The following ZC4H2 variants were observed in gnomAD, a reference collection of about 807,000 sequenced individuals.
The protein encoded by ZC4H2 is zinc finger C4H2-type containing, also known as zinc finger C4H2 domain-containing protein.
For missense variants in ZC4H2, 137 were observed against 173.9 expected (o/e 0.79, Z 1.19); for synonymous variants, 84 against 66.3 (o/e 1.27, Z -1.30).
At chrX:64,946,385 T>C (rs1930533635) in intron 1 of ZC4H2, among the ~76,000 whole-genome samples, 1 of 110,824 alleles carries the variant, frequency 9.0e-6, no homozygotes. Flanking sequence ...CTGGGTAAGG[T>C]GACACCCCAC....
intron 1 of ZC4H2, among the ~76,000 whole-genome samples, chrX:64,957,964 C>T (rs1042466657): frequency 8.9e-6 from 1 of 112,081 alleles, no homozygotes; most frequent in African/African-American, 3.2e-5. Context: ...CCCAACTCTA[C>T]ATCTTGTCCC....
intron 1 of ZC4H2, among the ~76,000 whole-genome samples, chrX:64,966,982 C>T (rs747864401): frequency 1.8e-5 from 2 of 111,301 alleles, no homozygotes; most frequent in Non-Finnish European, 3.8e-5. Flanking sequence ...TGACCTCTTA[C>T]TGCACCCAGA....
chrX:64,944,586 G>A (rs980933052), intron 1 of ZC4H2, among the ~76,000 whole-genome samples: 1 of 110,965 alleles, frequency 9.0e-6, no homozygotes, highest in Admixed American at 9.6e-5. Flanking sequence ...GAGTATCTTA[G>A]TGGTGCTCTC....
At chrX:64,945,540 A>T (rs1930489576) in intron 1 of ZC4H2, among the ~76,000 whole-genome samples, 1 of 111,682 alleles carries the variant, frequency 9.0e-6, no homozygotes, top group Non-Finnish European at 1.9e-5. Flanking sequence ...GGTGTCTCCC[A>T]GTCAGGAGGC....
intron 1 of ZC4H2, among the ~76,000 whole-genome samples, chrX:64,942,900 C>T (rs1175478542): frequency 1.8e-5 from 2 of 111,891 alleles, no homozygotes; most frequent in African/African-American, 6.5e-5. Context: ...TGAATAATCA[C>T]CACACTGTCT....
intron 1 of ZC4H2, among the ~76,000 whole-genome samples, chrX:64,948,096 G>A (rs1218038741): frequency 4.5e-5 from 5 of 111,494 alleles, no homozygotes; most frequent in African/African-American, 6.5e-5. Context: ...CAATTGTGTC[G>A]TTTGATCTAT....
chrX:64,993,436 T>C (rs1350607895), intron 1 of ZC4H2, among the ~76,000 whole-genome samples: 2 of 111,543 alleles, frequency 1.8e-5, no homozygotes, highest in African/African-American at 6.5e-5. Context: ...AAGACGATGG[T>C]ATTAGTAGCT....
Position 64,920,354 on chromosome X carries a change from G to A in ZC4H2, c.226-101C>T, listed in dbSNP as rs1402256340. On this transcript the variant is annotated intron_variant, in intron 2 of 4. Coordinates refer to ENST00000374839, the MANE Select transcript of ZC4H2 (RefSeq NM_018684.4). Reference sequence around the variant, plus strand: ...TAGCACAAGCTCCAGAACTTGTTCAGTCTATATTCAAGTCCTTGATCTCCC... The same window carrying A: ...TAGCACAAGCTCCAGAACTTGTTCAATCTATATTCAAGTCCTTGATCTCCC... 18 of 922,589 alleles carry A rather than the reference G, an allele frequency of 2.0e-5. No homozygotes were observed. The Admixed American group carries it at 5.4e-4, about 28-fold the overall frequency. The allele number at this position is 922,589 out of a possible 1,213,427, so 76.0% of individuals were successfully genotyped here.
chrX:64,926,841 C>T (rs773347024), intron 1 of ZC4H2, among the ~76,000 whole-genome samples: 32 of 111,436 alleles, frequency 2.9e-4, no homozygotes, highest in African/African-American at 9.8e-4. Flanking sequence ...ATATGGAGGG[C>T]TGACTTTTTG....
intron 1 of ZC4H2, among the ~76,000 whole-genome samples, chrX:64,975,020 C>T (rs1414628604): frequency 4.6e-5 from 5 of 107,911 alleles, no homozygotes; most frequent in Non-Finnish European, 7.6e-5. Flanking sequence ...TTCCCTTCTC[C>T]TTTCCAGACT....
chrX:65,032,318 T>C (rs773024162), intron 1 of ZC4H2, among the ~76,000 whole-genome samples: 59 of 112,404 alleles, frequency 5.2e-4, no homozygotes, highest in African/African-American at 1.8e-3. Flanking sequence ...ATAGGTTTTA[T>C]GTGGTAAAAT....
chrX:64,936,981 A>G (rs139409101), intron 1 of ZC4H2, among the ~76,000 whole-genome samples: 3,090 of 111,510 alleles, frequency 0.028, 46 homozygotes, highest in Non-Finnish European at 0.041. Context: ...GGCAAAATGG[A>G]TAAAGAGTCA....
chrX:64,977,383 G>A, upstream of ZC4H2, among the ~76,000 whole-genome samples: 1 of 111,694 alleles, frequency 9.0e-6, no homozygotes, highest in Non-Finnish European at 1.9e-5. Flanking sequence ...AGAAATGGGA[G>A]ATGTAGTATT....
rs1261113628 is a variant in ZC4H2 at position 64,915,996 on chromosome X, A to T, written c.*1787T>A. 1.8e-5 allele frequency: 2 copies of T among 111,864 alleles called. No homozygotes were observed. Among genetic ancestry groups the T allele is most frequent in the Non-Finnish European group, 3.8e-5 (2 of 53,229 alleles). The allele number at this position is 111,864 out of a possible 1,213,427, so 9.2% of individuals were successfully genotyped here. A position where few individuals can be genotyped will look rare whatever the true frequency, so the allele number is the denominator to read the frequency against. On this transcript the variant is annotated 3_prime_UTR_variant, in exon 5 of 5. Transcript: ENST00000374839. ...GTTATTTCAACCACTCTCATCATCA[A>T]GCCATTCTGAAAGGGAGAAAGGTTT...
intron 1 of ZC4H2, among the ~76,000 whole-genome samples, chrX:64,935,116 C>T (rs951460687): frequency 2.7e-5 from 3 of 111,447 alleles, no homozygotes; most frequent in African/African-American, 6.5e-5. Context: ...AGTCTGATAC[C>T]GACTGGGACA....
chrX:65,010,208 C>A (rs1159245970), intron 1 of ZC4H2, among the ~76,000 whole-genome samples: 3 of 112,144 alleles, frequency 2.7e-5, no homozygotes, highest in Non-Finnish European at 1.9e-5. Context: ...CTGTTGGTCT[C>A]CACAATGGAA....
intron 1 of ZC4H2, among the ~76,000 whole-genome samples, chrX:65,024,204 C>T (rs59800226): frequency 0.082 from 8,971 of 109,987 alleles, 1,011 homozygotes; most frequent in African/African-American, 0.29. Flanking sequence ...CATGTGTATA[C>T]CTATGTAACA....
chrX:64,997,363 G>A (rs1053516431), intron 1 of ZC4H2, among the ~76,000 whole-genome samples: 2 of 111,947 alleles, frequency 1.8e-5, no homozygotes, highest in Non-Finnish European at 3.8e-5. Context: ...CCTTCAGGTT[G>A]AAATAAAAGA....
intron 1 of ZC4H2, among the ~76,000 whole-genome samples, chrX:65,021,386 T>C (rs968446433): frequency 5.4e-5 from 6 of 111,009 alleles, no homozygotes; most frequent in African/African-American, 1.7e-4. Flanking sequence ...ACCTCACAAC[T>C]ATATGGAAAC....
Sources: allele counts gnomAD v4.1 joint callset (sites outside exome capture counted in the v4.1 genomes callset), GRCh38; gene constraint gnomAD v4.1.1; transcripts MANE v1.5; gene names NCBI Gene and HGNC (gene_info 2026-07-23, HGNC 2026-07-21).